RASSF2: variants seen among roughly 807,000 people sequenced by gnomAD.
RASSF2 encodes the protein Ras association domain family member 2.
Under a neutral mutation model 46.3 loss-of-function variants are expected in RASSF2, and 34 were observed. The observed-to-expected ratio is 0.73, with a 90% CI of 0.56 to 0.98. The LOEUF (loss-of-function observed/expected upper bound fraction) is 0.98. RASSF2 is among the 50% of genes least tolerant of loss of function. The pLI is 0.00. For missense variants in RASSF2, 364 were observed against 431.2 expected (o/e 0.84, Z 1.38); for synonymous variants, 158 against 162.5 (o/e 0.97, Z 0.21).
intron 10 of RASSF2, among the ~76,000 whole-genome samples, chr20:4,787,114 T>TG (rs759017534): frequency 6.6e-5 from 10 of 151,938 alleles, no homozygotes; most frequent in Non-Finnish European, 1.5e-4. Context: ...ATCCCCACCC[T>TG]GCTCTATCAA....
At chr20:4,821,344 G>A (rs1398809609) in intron 2 of RASSF2, among the ~76,000 whole-genome samples, 1 of 152,082 alleles carries the variant, frequency 6.6e-6, no homozygotes, top group Non-Finnish European at 1.5e-5. Context: ...CCACGCTCAG[G>A]GAAGTGGGGA....
At chr20:4,801,778 G>C (rs181973625) in intron 2 of RASSF2, among the ~76,000 whole-genome samples, 1 of 151,802 alleles carries the variant, frequency 6.6e-6, no homozygotes, top group Non-Finnish European at 1.5e-5. Context: ...CACTCTCTTC[G>C]CCCAGGCTGG....
At chr20:4,797,497 C>G (rs1019706525) in intron 4 of RASSF2, among the ~76,000 whole-genome samples, 4 of 152,098 alleles carry the variant, frequency 2.6e-5, no homozygotes, top group Non-Finnish European at 5.9e-5. Context: ...TGAGTAAGCT[C>G]AGTTTCAGGA....
At chr20:4,818,296 C>G (rs2423044) in intron 2 of RASSF2, among the ~76,000 whole-genome samples, 29,352 of 151,892 alleles carry the variant, frequency 0.19, 2,994 homozygotes, top group South Asian at 0.28. Context: ...TAATCATAAT[C>G]ACTAAATGCA....
intron 2 of RASSF2, among the ~76,000 whole-genome samples, chr20:4,802,882 GTA>G (rs139381564): frequency 5.2e-5 from 7 of 134,484 alleles, no homozygotes; most frequent in Non-Finnish European, 1.5e-5. Flanking sequence ...ATGTGTGTGT[GTA>G]TATATATATA....
chr20:4,819,223 A>G (rs1261380603), intron 2 of RASSF2, among the ~76,000 whole-genome samples: 2 of 152,180 alleles, frequency 1.3e-5, no homozygotes, highest in South Asian at 4.1e-4. Flanking sequence ...TCGGCCTCCC[A>G]AAGTGCTGGG....
At chr20:4,821,875 A>G (rs1928713953) in intron 2 of RASSF2, among the ~76,000 whole-genome samples, 1 of 152,132 alleles carries the variant, frequency 6.6e-6, no homozygotes, top group Non-Finnish European at 1.5e-5. Flanking sequence ...AGAGGAGAAA[A>G]CACAGCTACT....
intron 9 of RASSF2, 141 bp from the exon 10 acceptor site, chr20:4,787,895 T>C: frequency 8.9e-7 from 1 of 1,124,822 alleles, no homozygotes; most frequent in Non-Finnish European, 1.3e-6. Flanking sequence ...ATTCCATAGG[T>C]GTTGTGAAAA....
intron 2 of RASSF2, 82 bp downstream of exon 2, chr20:4,822,247 G>C (rs1406976092): frequency 6.6e-6 from 1 of 152,232 alleles, no homozygotes; most frequent in African/African-American, 2.4e-5. Context: ...ACTGTGGCAG[G>C]AACTGGGTCC....
chr20:4,794,334 C>T (rs1250743238), intron 5 of RASSF2, among the ~76,000 whole-genome samples: 1 of 151,990 alleles, frequency 6.6e-6, no homozygotes, highest in African/African-American at 2.4e-5. Flanking sequence ...TTTGGGAGGT[C>T]AAGGAAGGTG....
intron 4 of RASSF2, 146 bp from the exon 5 acceptor site, chr20:4,796,112 C>T: frequency 5.5e-6 from 4 of 729,400 alleles, no homozygotes; most frequent in Non-Finnish European, 7.8e-6. Flanking sequence ...CTGCCCAGTT[C>T]ACACCGCAGC....
intron 1 of RASSF2, among the ~76,000 whole-genome samples, chr20:4,823,296 C>T (rs1189933001): frequency 6.6e-6 from 1 of 152,120 alleles, no homozygotes; most frequent in Non-Finnish European, 1.5e-5. Context: ...TGCCCCGCGC[C>T]CCGCGCCCCG....
chr20:4,788,736 C>T (rs917941778), intron 8 of RASSF2, among the ~76,000 whole-genome samples: 4 of 152,214 alleles, frequency 2.6e-5, no homozygotes, highest in Non-Finnish European at 5.9e-5. Flanking sequence ...TATAATCTTA[C>T]GGGACCACTG....
intron 11 of RASSF2, among the ~76,000 whole-genome samples, 175 bp from the exon 12 acceptor site, chr20:4,784,517 T>C (rs2122390252): frequency 7.2e-6 from 1 of 139,284 alleles, no homozygotes; most frequent in Non-Finnish European, 1.5e-5. Flanking sequence ...TTATGTTCAT[T>C]CCTACAACAC....
chr20:4,814,305 G>A (rs1234000357), intron 2 of RASSF2, among the ~76,000 whole-genome samples: 4 of 152,136 alleles, frequency 2.6e-5, no homozygotes, highest in Admixed American at 2.6e-4. Flanking sequence ...CTGCCTCCGG[G>A]TCCCCTGTTT....
At chr20:4,802,975 C>G (rs1382630875) in intron 2 of RASSF2, among the ~76,000 whole-genome samples, 1 of 148,970 alleles carries the variant, frequency 6.7e-6, no homozygotes, top group African/African-American at 2.5e-5. Context: ...GTGGCATAAT[C>G]TCAGCTCACT....
At chr20:4,821,717 C>T (rs985332837) in intron 2 of RASSF2, among the ~76,000 whole-genome samples, 1 of 152,206 alleles carries the variant, frequency 6.6e-6, no homozygotes, top group African/African-American at 2.4e-5. Flanking sequence ...GCAGGCTGCA[C>T]GCTATGCCTC....
chr20:4,792,706 C>A, intron 5 of RASSF2, 79 bp from the exon 6 acceptor site: 1 of 1,525,734 alleles, frequency 6.6e-7, no homozygotes. Context: ...CCGCTGGACC[C>A]CACTCCTGAA....
intron 6 of RASSF2, 146 bp downstream of exon 6, chr20:4,792,393 T>A: frequency 6.7e-7 from 1 of 1,489,388 alleles, no homozygotes; most frequent in South Asian, 1.3e-5. Context: ...GGTGGGTGGA[T>A]GAGGTGGGTG....
Sources: gnomAD v4.1 joint callset for allele counts (sites outside exome capture counted in the v4.1 genomes callset) on GRCh38, gnomAD v4.1.1 for gene constraint, MANE v1.5 for transcripts, NCBI Gene and HGNC (gene_info 2026-07-23, HGNC 2026-07-21) for gene names.